Variants in NBAS observed in about 807,000 individuals in gnomAD.
NBAS encodes the protein NAG/BC035112 fusion.
NBAS carries 219 observed loss-of-function variants against 302.5 expected under a neutral mutation model. The ratio of observed to expected loss-of-function variants is 0.72; its 90% CI spans 0.65 to 0.81. The LOEUF is 0.81. NBAS is among the 30% of genes least tolerant of loss of function. The pLI is 0.00. For missense variants in NBAS, 2,932 were observed against 2,841.6 expected (o/e 1.03, Z -0.72); for synonymous variants, 1,118 against 1,021.6 (o/e 1.09, Z -1.80).
the NBAS span, among the ~76,000 whole-genome samples, chr2:14,954,996 G>T: frequency 1.3e-5 from 2 of 151,966 alleles, no homozygotes; most frequent in Non-Finnish European, 2.9e-5. Flanking sequence ...TAACCCTAAG[G>T]TTCAAAAGTC....
At chr2:15,296,749 G>A (rs1241266284) in intron 40 of NBAS, among the ~76,000 whole-genome samples, 3 of 152,030 alleles carry the variant, frequency 2.0e-5, no homozygotes, top group Non-Finnish European at 4.4e-5. Context: ...TGAAGCACAA[G>A]GATCACTTGA....
chr2:15,048,317 A>C, the NBAS span, among the ~76,000 whole-genome samples: 124,892 of 151,956 alleles, frequency 0.82, 51,650 homozygotes, highest in East Asian at 0.99. Context: ...TGCAAAGTCC[A>C]ATGTGCAGGG....
the NBAS span, among the ~76,000 whole-genome samples, chr2:14,918,503 C>A: frequency 6.6e-6 from 1 of 152,110 alleles, no homozygotes; most frequent in Non-Finnish European, 1.5e-5. Flanking sequence ...GTACTGCAGG[C>A]AGAGAAGGGA....
At chr2:15,450,578 A>G (rs564274695) in intron 21 of NBAS, among the ~76,000 whole-genome samples, 1 of 152,290 alleles carries the variant, frequency 6.6e-6, no homozygotes, top group East Asian at 1.9e-4. Flanking sequence ...CTAGATTACA[A>G]ATTTATCTGT....
chr2:14,996,609 C>T, the NBAS span, among the ~76,000 whole-genome samples: 1 of 152,204 alleles, frequency 6.6e-6, no homozygotes, highest in African/African-American at 2.4e-5. Context: ...TTTGCGATGA[C>T]AGATGCCCTC....
chr2:15,082,025 T>A, the NBAS span, among the ~76,000 whole-genome samples: 4 of 152,130 alleles, frequency 2.6e-5, no homozygotes, highest in African/African-American at 9.7e-5. Flanking sequence ...CCAGGGAAAT[T>A]GTAATAATTA....
the NBAS span, among the ~76,000 whole-genome samples, chr2:15,024,436 G>T: frequency 6.6e-6 from 1 of 152,004 alleles, no homozygotes; most frequent in Non-Finnish European, 1.5e-5. Context: ...TTAGGCATGA[G>T]TGTGTCTTTA....
chr2:15,244,433 C>A (rs949378836), intron 44 of NBAS, among the ~76,000 whole-genome samples: 6 of 152,092 alleles, frequency 3.9e-5, no homozygotes, highest in Non-Finnish European at 7.4e-5. Flanking sequence ...AGAATTAAGG[C>A]CTAATTAAGG....
chr2:15,266,314 C>A (rs1466744085), intron 44 of NBAS, among the ~76,000 whole-genome samples: 1 of 152,156 alleles, frequency 6.6e-6, no homozygotes, highest in South Asian at 2.1e-4. Context: ...TTTGAGAGCT[C>A]CTAAGTACGG....
intron 44 of NBAS, among the ~76,000 whole-genome samples, chr2:15,261,589 G>A (rs1014514876): frequency 2.6e-5 from 4 of 152,092 alleles, no homozygotes; most frequent in Non-Finnish European, 5.9e-5. Context: ...CACAGAAATA[G>A]TATTACTCTT....
intron 48 of NBAS, among the ~76,000 whole-genome samples, chr2:15,205,870 T>C (rs754830216): frequency 6.6e-6 from 1 of 152,188 alleles, no homozygotes; most frequent in Non-Finnish European, 1.5e-5. Flanking sequence ...GAACTGTGAA[T>C]CAATTAAACT....
chr2:15,077,690 C>CT, the NBAS span, among the ~76,000 whole-genome samples: 516 of 134,862 alleles, frequency 3.8e-3, 2 homozygotes, highest in African/African-American at 6.5e-3. Flanking sequence ...CTTTTTTTTT[C>CT]TTTTTTTTTT....
the NBAS span, among the ~76,000 whole-genome samples, chr2:15,161,263 T>C: frequency 6.6e-6 from 1 of 152,184 alleles, no homozygotes; most frequent in South Asian, 2.1e-4. Flanking sequence ...CTAAAGTCTA[T>C]GAGAGACTTT....
intron 51 of NBAS, among the ~76,000 whole-genome samples, chr2:15,176,405 C>A (rs893312044): frequency 6.6e-6 from 1 of 150,892 alleles, no homozygotes; most frequent in Non-Finnish European, 1.5e-5. Context: ...GTGTCTGGTA[C>A]CTTGACTGCA....
At chr2:15,308,851 TGA>T in intron 39 of NBAS, among the ~76,000 whole-genome samples, 1 of 152,264 alleles carries the variant, frequency 6.6e-6, no homozygotes. Flanking sequence ...CCTAATTTAT[TGA>T]GAGTTTTTAG....
At position 15,208,320 on chromosome 2, in the gene NBAS, G is replaced by T. The variant is rs914151331; in HGVS notation, c.6432+10453C>A. 3.3e-5 allele frequency among the ~76,000 whole-genome samples: 5 copies of T among 152,088 alleles called. No homozygotes were observed. The South Asian group carries it at 1.0e-3, about 32-fold the overall frequency. On this transcript the variant is annotated intron_variant, in intron 48 of 51. Coordinates refer to ENST00000281513, the MANE Select transcript of NBAS (RefSeq NM_015909.4). ...TTCACTACCACGAGAACAGTATGGG[G>T]GAAAGTGCCCCCGTGATTCAATTAT... is the stretch of plus-strand genomic sequence containing the variant.
intron 22 of NBAS, among the ~76,000 whole-genome samples, chr2:15,424,679 C>T (rs1439626575): frequency 6.6e-6 from 1 of 152,044 alleles, no homozygotes; most frequent in African/African-American, 2.4e-5. Context: ...CCCGTTTTCC[C>T]GATTTAAAAA....
Position 15,366,707 on chromosome 2 carries a change from A to T in NBAS, c.3704-14T>A, listed in dbSNP as rs2148340205. 2 of 1,611,284 alleles carry T rather than the reference A, an allele frequency of 1.2e-6. No individual in the cohort carries two copies. The highest frequency in any genetic ancestry group is 2.2e-5 in the East Asian group (1 of 44,822). ...GGCACAATCGCACTACAAAAGAAAGACGTATTAAAGACTTGGACCAGGGAC... is the reference window on the plus strand; with the variant it reads ...GGCACAATCGCACTACAAAAGAAAGTCGTATTAAAGACTTGGACCAGGGAC... On this transcript the variant is annotated splice_polypyrimidine_tract_variant and intron_variant, in intron 31 of 51. Transcript: ENST00000281513.
At chr2:15,408,419 T>C (rs1315856752) in intron 25 of NBAS, among the ~76,000 whole-genome samples, 1 of 152,210 alleles carries the variant, frequency 6.6e-6, no homozygotes, top group African/African-American at 2.4e-5. Flanking sequence ...GAATGCTTTA[T>C]ATTTTTCTCA....
Sources: gnomAD v4.1 joint callset for allele counts (sites outside exome capture counted in the v4.1 genomes callset) on GRCh38, gnomAD v4.1.1 for gene constraint, MANE v1.5 for transcripts, NCBI Gene and HGNC (gene_info 2026-07-23, HGNC 2026-07-21) for gene names.